ZDHHC21: variants seen among roughly 807,000 people sequenced by gnomAD.
The protein encoded by ZDHHC21 is zDHHC palmitoyltransferase 21, also known as palmitoyltransferase ZDHHC21.
Under a neutral mutation model 34.6 loss-of-function variants are expected in ZDHHC21, and 15 were observed. The observed-to-expected ratio is 0.43, with a 90% confidence interval of 0.29 to 0.67. ZDHHC21 has a LOEUF of 0.67. Ranked by LOEUF, ZDHHC21 falls within the 30% of genes least tolerant of loss-of-function variation. The probability of loss-of-function intolerance (pLI) is 0.14; values close to 1 mark genes in which losing one functional copy is unlikely to be tolerated. For missense variants in ZDHHC21, 344 were observed against 327.7 expected (o/e 1.05, Z -0.38); for synonymous variants, 142 against 101.8 (o/e 1.40, Z -2.38).
the ZDHHC21 span, among the ~76,000 whole-genome samples, chr9:14,600,500 A>G: frequency 1.2e-4 from 18 of 152,234 alleles, no homozygotes; most frequent in Admixed American, 2.6e-4. Flanking sequence ...AGGAAATCAG[A>G]GAGGACACAA....
intron 5 of ZDHHC21, among the ~76,000 whole-genome samples, chr9:14,668,142 C>A (rs1187879455): frequency 9.6e-6 from 1 of 104,294 alleles, no homozygotes; most frequent in South Asian, 4.1e-4. Flanking sequence ...TGATAAGCAA[C>A]TTCAGCAAAG....
At chr9:14,589,719 G>C in the ZDHHC21 span, 1 of 152,174 alleles carries the variant, frequency 6.6e-6, no homozygotes, top group Non-Finnish European at 1.5e-5. Context: ...TTAGTTATAG[G>C]ATAAAACTAA....
At chr9:14,654,392 C>A (rs538337068) in intron 7 of ZDHHC21, among the ~76,000 whole-genome samples, 1 of 37,556 alleles carries the variant, frequency 2.7e-5, no homozygotes, top group African/African-American at 9.9e-5. Flanking sequence ...TCTCTTATAT[C>A]CTATCAAAAA....
chr9:14,609,342 A>ATG (rs1382784280), downstream of ZDHHC21, among the ~76,000 whole-genome samples: 13 of 152,108 alleles, frequency 8.5e-5, no homozygotes, highest in Non-Finnish European at 4.4e-5. Context: ...TGAACTAGCC[A>ATG]CTTTCTTTCA....
intron 2 of ZDHHC21, among the ~76,000 whole-genome samples, chr9:14,684,947 T>C (rs1838043134): frequency 6.6e-6 from 1 of 152,154 alleles, no homozygotes. Context: ...AAACAAGCAA[T>C]GGGGAAAGGA....
At chr9:14,681,411 T>C (rs934275427) in intron 2 of ZDHHC21, among the ~76,000 whole-genome samples, 13 of 152,210 alleles carry the variant, frequency 8.5e-5, no homozygotes, top group African/African-American at 3.1e-4. Context: ...AAATGTACAA[T>C]GCTGGTCATA....
chr9:14,680,911 T>A (rs183464867), intron 2 of ZDHHC21, among the ~76,000 whole-genome samples: 1 of 152,098 alleles, frequency 6.6e-6, no homozygotes, highest in Non-Finnish European at 1.5e-5. Flanking sequence ...TTATGGTAAA[T>A]AGCCATCAGG....
At chr9:14,605,309 T>C in the ZDHHC21 span, among the ~76,000 whole-genome samples, 4 of 152,090 alleles carry the variant, frequency 2.6e-5, no homozygotes, top group African/African-American at 9.7e-5. Context: ...TGCACCATTT[T>C]ACACCCCTAG....
At chr9:14,655,402 C>T (rs956302594) in intron 7 of ZDHHC21, among the ~76,000 whole-genome samples, 4 of 151,810 alleles carry the variant, frequency 2.6e-5, no homozygotes, top group Non-Finnish European at 5.9e-5. Flanking sequence ...AGAAAAAGCA[C>T]CAATATGTAG....
chr9:14,687,349 G>T (rs1250994467), intron 2 of ZDHHC21, among the ~76,000 whole-genome samples: 1 of 150,708 alleles, frequency 6.6e-6, no homozygotes, highest in East Asian at 1.9e-4. Context: ...CTACCTCTGA[G>T]AAATGAAATC....
chr9:14,617,148 T>G lies in ZDHHC21; in HGVS notation c.*1818A>C, dbSNP rs1365578639. The G allele has an allele frequency of 6.6e-6, 1 of 151,966 alleles. No homozygotes were observed. The highest frequency in any genetic ancestry group is 1.5e-5 in the Non-Finnish European group (1 of 67,884). 9.4% of individuals were successfully genotyped at this position (151,966 alleles called of 1,614,324 possible). A position where few individuals can be genotyped will look rare whatever the true frequency, so the allele number is the denominator to read the frequency against. On this transcript the variant is annotated 3_prime_UTR_variant, in exon 10 of 10. Transcript: ENST00000380916. ...AACAGTTCTGTCACCAGGCCAAATG[T>G]GGCCAAATTAGCTTGCACAAAATCC...
chr9:14,653,561 T>A (rs987471634), intron 7 of ZDHHC21, among the ~76,000 whole-genome samples: 1 of 151,524 alleles, frequency 6.6e-6, no homozygotes, highest in Non-Finnish European at 1.5e-5. Flanking sequence ...GGTTTTGTTG[T>A]TTTTTTTGCC....
chr9:14,676,056 C>T (rs554081848), intron 3 of ZDHHC21, among the ~76,000 whole-genome samples: 43 of 151,930 alleles, frequency 2.8e-4, no homozygotes, highest in Admixed American at 2.2e-3. Flanking sequence ...CTGAATTCTT[C>T]GGCAATGGAA....
At chr9:14,662,385 C>A in intron 5 of ZDHHC21, 59 bp from the exon 6 acceptor site, 1 of 1,289,098 alleles carries the variant, frequency 7.8e-7, no homozygotes, top group Non-Finnish European at 1.1e-6. Flanking sequence ...CTGAAATTTA[C>A]CAACAGTTGT....
chr9:14,610,101 T>C (rs1823154186), downstream of ZDHHC21, among the ~76,000 whole-genome samples: 1 of 152,034 alleles, frequency 6.6e-6, no homozygotes, highest in East Asian at 1.9e-4. Flanking sequence ...ATTTAAATTT[T>C]TTCCCATTTT....
intron 8 of ZDHHC21, among the ~76,000 whole-genome samples, chr9:14,620,254 T>C (rs774640957): frequency 5.3e-5 from 8 of 151,938 alleles, no homozygotes; most frequent in Non-Finnish European, 1.2e-4. Flanking sequence ...AATTCCCTAA[T>C]TGTATGCTTT....
chr9:14,621,282 G>A (rs1257179635), intron 8 of ZDHHC21, among the ~76,000 whole-genome samples: 1 of 151,900 alleles, frequency 6.6e-6, no homozygotes, highest in African/African-American at 2.4e-5. Context: ...GGTATATAAG[G>A]CAAATGAAAG....
chr9:14,620,649 G>A (rs921764899), intron 8 of ZDHHC21, among the ~76,000 whole-genome samples: 1 of 151,952 alleles, frequency 6.6e-6, no homozygotes, highest in African/African-American at 2.4e-5. Flanking sequence ...CTTTTCCAAT[G>A]ATGCTAATAA....
chr9:14,692,675 T>A (rs893718499), intron 1 of ZDHHC21, among the ~76,000 whole-genome samples: 1 of 152,092 alleles, frequency 6.6e-6, no homozygotes, highest in Non-Finnish European at 1.5e-5. Context: ...CTGCCATCCA[T>A]AAGCCATTTT....
Sources: gnomAD v4.1 joint callset for allele counts (sites outside exome capture counted in the v4.1 genomes callset) on GRCh38, gnomAD v4.1.1 for gene constraint, MANE v1.5 for transcripts, NCBI Gene and HGNC (gene_info 2026-07-23, HGNC 2026-07-21) for gene names.